The following ATP9B variants were observed in gnomAD, a reference collection of about 807,000 sequenced individuals.
ATP9B encodes the protein ATPase phospholipid transporting 9B.
In ATP9B, 110 loss-of-function variants were observed where a neutral mutation model predicts 146.1. The ratio of observed to expected loss-of-function variants is 0.75; its 90% CI spans 0.65 to 0.88. ATP9B has a LOEUF of 0.88. Among genes scored for constraint, ATP9B ranks in the 40% least tolerant of loss-of-function variants. The pLI, the probability that ATP9B is intolerant of heterozygous loss-of-function variation, is 0.00. For synonymous variants in ATP9B, 604 were observed against 569.7 expected (o/e 1.06, Z -0.86); for missense variants, 1,499 against 1,496.4 (o/e 1.00, Z -0.03).
In ATP9B at chr18:79,341,770, G is replaced by A. The variant is rs574944428; in HGVS notation, c.2284-498G>A. Among the ~76,000 whole-genome samples, 103 of 151,440 alleles carry A rather than the reference G, an allele frequency of 6.8e-4. No individual in the cohort carries two copies. The Middle Eastern group carries it at 0.01, about 15-fold the overall frequency. ...TGTAGCGTGACCTGTTGAAGCCTGCGTTGCCGACACACCATTTAGTTGTGG... is the reference window on the plus strand; with the variant it reads ...TGTAGCGTGACCTGTTGAAGCCTGCATTGCCGACACACCATTTAGTTGTGG... On this transcript the variant is annotated intron_variant, in intron 19 of 29. Coordinates refer to ENST00000426216, the MANE Select transcript of ATP9B (RefSeq NM_198531.5).
Position 79,375,316 on chromosome 18 carries a change from T to G in ATP9B, c.3275-78T>G, listed in dbSNP as rs2097096632. 5 of 1,318,406 alleles carry G rather than the reference T, an allele frequency of 3.8e-6. No homozygotes were observed. In the South Asian group the frequency reaches 6.4e-5, roughly 17 times the overall value. 81.7% of individuals were successfully genotyped at this position (1,318,406 alleles called of 1,614,324 possible). A position where few individuals can be genotyped will look rare whatever the true frequency, so the allele number is the denominator to read the frequency against. On this transcript the variant is annotated intron_variant, in intron 28 of 29. Coordinates refer to ENST00000426216, the MANE Select transcript of ATP9B (RefSeq NM_198531.5). The stretch of plus-strand genomic sequence containing the variant: ...TATTGCTTTTTAATGTATTTCTTAT[T>G]CTTTTGCTAACCCCTTGAAATATCC...
At chr18:79,376,372 A>G in intron 29 of ATP9B, 1 of 983,750 alleles carries the variant, frequency 1.0e-6, no homozygotes, top group Non-Finnish European at 1.2e-6. Flanking sequence ...GTTTGGTGAC[A>G]TTAGTCATCT....
At chr18:79,114,092 T>G (rs923300367) in intron 4 of ATP9B, among the ~76,000 whole-genome samples, 1 of 152,138 alleles carries the variant, frequency 6.6e-6, no homozygotes, top group African/African-American at 2.4e-5. Context: ...TACCTCAGCC[T>G]CCTGAGTAGC....
chr18:79,330,257 T>C (rs1037948285), intron 17 of ATP9B, among the ~76,000 whole-genome samples, 153 bp downstream of exon 17: 11 of 152,172 alleles, frequency 7.2e-5, no homozygotes, highest in Admixed American at 3.9e-4. Flanking sequence ...ACTGGTATCA[T>C]TGGATGAATT....
intron 13 of ATP9B, among the ~76,000 whole-genome samples, chr18:79,297,245 C>G (rs959158458): frequency 1.5e-5 from 2 of 134,418 alleles, no homozygotes; most frequent in East Asian, 2.2e-4. Context: ...AGAGAGGAGA[C>G]GCAGACGACC....
At chr18:79,094,225 T>G (rs1173087890) in intron 1 of ATP9B, among the ~76,000 whole-genome samples, 1 of 152,180 alleles carries the variant, frequency 6.6e-6, no homozygotes, top group Non-Finnish European at 1.5e-5. Flanking sequence ...TGTCCTGTGC[T>G]TATTTGGGTT....
At chr18:79,225,542 C>T (rs1380513280) in intron 11 of ATP9B, among the ~76,000 whole-genome samples, 4 of 152,258 alleles carry the variant, frequency 2.6e-5, no homozygotes, top group African/African-American at 7.2e-5. Flanking sequence ...GTTTTGGCCC[C>T]GCAGTTGTAG....
chr18:79,215,028 G>T (rs142254939), intron 11 of ATP9B, among the ~76,000 whole-genome samples: 2,389 of 151,480 alleles, frequency 0.016, 64 homozygotes, highest in African/African-American at 0.055. Flanking sequence ...GGTGCCTGTA[G>T]TCCCCACTAC....
chr18:79,207,092 G>T, intron 10 of ATP9B, 80 bp downstream of exon 10: 1 of 1,324,160 alleles, frequency 7.6e-7, no homozygotes, highest in Non-Finnish European at 1.1e-6. Flanking sequence ...CCAAACAAGG[G>T]TTTCTCACAG....
rs768778637 is a variant in ATP9B, at chr18:79,377,342, C to G, written c.3403C>G (p.Arg1135Gly). The G allele has an allele frequency of 1.2e-6, 2 of 1,611,110 alleles. No individual in the cohort carries two copies. Among genetic ancestry groups the G allele is most frequent in the South Asian group, 1.1e-5 (1 of 91,082 alleles). ...GCTGTATGTCCTCAAGTACCTGAGG[C>G]GCAAGCTCTCTCCTCCCAGCTACTG... ...LPLYVLKYLRRKLSPPSYCKL... is the reference protein window; with the variant it reads ...LPLYVLKYLRGKLSPPSYCKL... Residue 1135 changes from arginine to glycine, a missense_variant, in exon 30 of 30, where the codon CGC becomes GGC. By Grantham distance (125) the Arg-to-Gly change is moderately radical. Coordinates refer to ENST00000426216, the MANE Select transcript of ATP9B (RefSeq NM_198531.5).
chr18:79,360,928 C>T (rs770163304), intron 26 of ATP9B: 11 of 152,200 alleles, frequency 7.2e-5, no homozygotes, highest in Admixed American at 2.0e-4. Flanking sequence ...CCAAAAACTT[C>T]GGGAAGCTAG....
intron 11 of ATP9B, among the ~76,000 whole-genome samples, chr18:79,218,623 T>C (rs1204933638): frequency 8.5e-5 from 13 of 152,196 alleles, no homozygotes; most frequent in Admixed American, 6.5e-4. Context: ...CAGCTCCTGC[T>C]TCTTGTCATA....
At chr18:79,330,756 G>T (rs1053339362) in intron 17 of ATP9B, among the ~76,000 whole-genome samples, 2 of 152,266 alleles carry the variant, frequency 1.3e-5, no homozygotes, top group Admixed American at 1.3e-4. Context: ...TTTGTTTTGT[G>T]TGTGAGTGCG....
chr18:79,362,479 T>C (rs2096995742), intron 26 of ATP9B: 1 of 152,254 alleles, frequency 6.6e-6, no homozygotes, highest in Non-Finnish European at 1.5e-5. Context: ...TGCAACACTA[T>C]TTTGTTATTC....
intron 15 of ATP9B, among the ~76,000 whole-genome samples, chr18:79,323,532 T>C (rs1409295001): frequency 6.6e-6 from 1 of 152,140 alleles, no homozygotes; most frequent in Non-Finnish European, 1.5e-5. Flanking sequence ...TTTTCTTAGC[T>C]CCCACATAAG....
chr18:79,293,029 G>A (rs2096522379), intron 13 of ATP9B, among the ~76,000 whole-genome samples: 1 of 151,664 alleles, frequency 6.6e-6, no homozygotes, highest in South Asian at 2.1e-4. Flanking sequence ...AGAAGTGAGA[G>A]GCCATAAATA....
intron 1 of ATP9B, chr18:79,077,931 C>G (rs1319315526): frequency 1.3e-5 from 2 of 152,182 alleles, no homozygotes; most frequent in Non-Finnish European, 2.9e-5. Context: ...GCCTGATTTG[C>G]TAATAAAAGC....
At chr18:79,328,086 C>G (rs1159145469) in intron 15 of ATP9B, among the ~76,000 whole-genome samples, 1 of 147,444 alleles carries the variant, frequency 6.8e-6, no homozygotes, top group Non-Finnish European at 1.5e-5. Flanking sequence ...TTAGCGTGCT[C>G]TCTGTGGTTA....
intron 4 of ATP9B, among the ~76,000 whole-genome samples, chr18:79,119,219 C>G (rs188827094): frequency 6.6e-6 from 1 of 152,218 alleles, no homozygotes; most frequent in Non-Finnish European, 1.5e-5. Flanking sequence ...TCTGATTTAA[C>G]TAGGTTTCAA....
Sources: gnomAD v4.1 joint callset for allele counts (sites outside exome capture counted in the v4.1 genomes callset) on GRCh38, gnomAD v4.1.1 for gene constraint, MANE v1.5 for transcripts, NCBI Gene and HGNC (gene_info 2026-07-23, HGNC 2026-07-21) for gene names.